Variants in CCDC171 observed in about 807,000 individuals in gnomAD.
CCDC171 encodes the protein coiled-coil domain-containing protein 171.
In CCDC171, 177 loss-of-function variants were observed where a neutral mutation model predicts 168.2. The observed-to-expected ratio is 1.05, with a 90% confidence interval of 0.93 to 1.19. The LOEUF (loss-of-function observed/expected upper bound fraction) is 1.19. Among genes scored for constraint, CCDC171 ranks in the 50% most tolerant of loss-of-function variants. The probability of loss-of-function intolerance (pLI) is 0.00; values close to 1 mark genes in which losing one functional copy is unlikely to be tolerated. For missense variants in CCDC171, 1,991 were observed against 1,539.0 expected (o/e 1.29, Z -4.91); for synonymous variants, 687 against 540.8 (o/e 1.27, Z -3.75).
At chr9:15,623,910 T>G (rs401393) in intron 7 of CCDC171, among the ~76,000 whole-genome samples, 9,908 of 152,296 alleles carry the variant, frequency 0.065, 450 homozygotes, top group African/African-American at 0.13. Flanking sequence ...TATTCGTGAA[T>G]GATACTGAAA....
At chr9:15,596,155 C>T (rs1344466964) in intron 6 of CCDC171, among the ~76,000 whole-genome samples, 2 of 152,088 alleles carry the variant, frequency 1.3e-5, no homozygotes, top group Non-Finnish European at 2.9e-5. Context: ...TTAATTAGAT[C>T]CCATTTGTCA....
intron 21 of CCDC171, among the ~76,000 whole-genome samples, chr9:15,824,374 G>A (rs1489094593): frequency 6.6e-6 from 1 of 151,806 alleles, no homozygotes; most frequent in African/African-American, 2.4e-5. Context: ...GTATATATAT[G>A]TCTGTCACGA....
intron 3 of CCDC171, among the ~76,000 whole-genome samples, chr9:16,015,891 A>G (rs368265018): frequency 3.3e-5 from 5 of 152,188 alleles, no homozygotes; most frequent in Non-Finnish European, 7.3e-5. Context: ...TGTCTGGCTT[A>G]TTTCACTTAG....
chr9:15,938,368 G>A (rs1038625742), intron 25 of CCDC171, among the ~76,000 whole-genome samples: 1 of 151,688 alleles, frequency 6.6e-6, no homozygotes. Context: ...CTTACTCTGT[G>A]CATACACTAT....
chr9:15,644,191 A>G (rs576991064), intron 7 of CCDC171, among the ~76,000 whole-genome samples: 19 of 152,306 alleles, frequency 1.2e-4, no homozygotes, highest in African/African-American at 3.6e-4. Flanking sequence ...CCTATCAGTA[A>G]TGTATGAGGT....
chr9:15,681,633 T>C (rs2050047269), intron 10 of CCDC171, among the ~76,000 whole-genome samples: 1 of 152,146 alleles, frequency 6.6e-6, no homozygotes, highest in African/African-American at 2.4e-5. Context: ...ATTCTTTTCT[T>C]GTACATATTC....
chr9:15,916,176 T>G (rs116730535), intron 24 of CCDC171, among the ~76,000 whole-genome samples: 1,535 of 152,002 alleles, frequency 0.01, 26 homozygotes, highest in African/African-American at 0.035. Flanking sequence ...TCAGAAATAT[T>G]GAATCTTTCT....
intron 7 of CCDC171, among the ~76,000 whole-genome samples, chr9:15,636,613 G>T (rs1047998804): frequency 6.6e-6 from 1 of 151,828 alleles, no homozygotes; most frequent in Non-Finnish European, 1.5e-5. Flanking sequence ...GCCAAACATG[G>T]TGAAATGTGC....
At chr9:15,587,191 C>T (rs867631272) in intron 4 of CCDC171, among the ~76,000 whole-genome samples, 1 of 152,140 alleles carries the variant, frequency 6.6e-6, no homozygotes, top group African/African-American at 2.4e-5. Flanking sequence ...TTGGAGGACT[C>T]TTTTGTGTAT....
chr9:15,760,669 A>G lies in CCDC171; in HGVS notation c.2671+15038A>G, dbSNP rs143344138. On this transcript the variant is annotated intron_variant, in intron 18 of 25. Transcript: ENST00000380701. ...GCACTGATGTCTTAATGGGACCTGC[A>G]TATTACTTTTTACCTTTTCATGAAA... 2.0e-3 allele frequency among the ~76,000 whole-genome samples: 312 copies of G among 152,304 alleles called. 2 individuals are homozygous for G. Among genetic ancestry groups the G allele is most frequent in the African/African-American group, 6.7e-3 (278 of 41,566 alleles).
At chr9:15,644,920 A>G (rs947311140) in intron 7 of CCDC171, among the ~76,000 whole-genome samples, 4 of 152,202 alleles carry the variant, frequency 2.6e-5, no homozygotes, top group African/African-American at 9.6e-5. Context: ...GGAGTTTGAG[A>G]TCTGAGAACA....
intron 3 of CCDC171, among the ~76,000 whole-genome samples, chr9:15,995,467 T>C (rs1256670729): frequency 6.6e-6 from 1 of 152,232 alleles, no homozygotes; most frequent in Non-Finnish European, 1.5e-5. Flanking sequence ...AGCTTTTGCC[T>C]ATCACAGCAA....
chr9:15,560,942 A>G (rs996209015), intron 1 of CCDC171, among the ~76,000 whole-genome samples: 1 of 152,106 alleles, frequency 6.6e-6, no homozygotes, highest in Non-Finnish European at 1.5e-5. Context: ...TTTCCTTCTA[A>G]CAGTCAGGAC....
intron 25 of CCDC171, among the ~76,000 whole-genome samples, chr9:15,940,717 G>A (rs749499623): frequency 6.6e-6 from 1 of 151,744 alleles, no homozygotes; most frequent in Non-Finnish European, 1.5e-5. Context: ...TCCTAATTTT[G>A]TGTGGTGGAA....
intron 3 of CCDC171, among the ~76,000 whole-genome samples, chr9:15,998,607 C>T (rs1832441110): frequency 6.6e-6 from 1 of 152,146 alleles, no homozygotes; most frequent in Admixed American, 6.6e-5. Flanking sequence ...TGGTCTTTCA[C>T]TGTTAGTTTC....
chr9:15,949,145 T>C (rs1265965396), intron 25 of CCDC171, among the ~76,000 whole-genome samples: 2 of 152,100 alleles, frequency 1.3e-5, no homozygotes, highest in Admixed American at 1.3e-4. Context: ...ATATGTGGCA[T>C]TATTTCTGAG....
At chr9:15,873,646 C>T (rs1477896303) in intron 23 of CCDC171, among the ~76,000 whole-genome samples, 2 of 151,990 alleles carry the variant, frequency 1.3e-5, no homozygotes, top group Admixed American at 6.6e-5. Flanking sequence ...TTCTTAAATG[C>T]AAACGAAACT....
At chr9:15,805,510 C>T (rs181935036) in intron 21 of CCDC171, among the ~76,000 whole-genome samples, 1 of 152,156 alleles carries the variant, frequency 6.6e-6, no homozygotes, top group Non-Finnish European at 1.5e-5. Context: ...ACCCAAAAAT[C>T]ATTCAGGAGC....
chr9:15,607,478 T>C (rs1479310938), intron 6 of CCDC171, among the ~76,000 whole-genome samples: 1 of 152,172 alleles, frequency 6.6e-6, no homozygotes, highest in Non-Finnish European at 1.5e-5. Context: ...TTTTTTTTCT[T>C]TTAGACAGGG....
Sources: allele counts gnomAD v4.1 joint callset (sites outside exome capture counted in the v4.1 genomes callset), GRCh38; gene constraint gnomAD v4.1.1; transcripts MANE v1.5; gene names NCBI Gene and HGNC (gene_info 2026-07-23, HGNC 2026-07-21).